The following FAF1 variants were observed in gnomAD, a reference collection of about 807,000 sequenced individuals.
The protein encoded by FAF1 is Fas associated factor 1.
FAF1 carries 25 observed loss-of-function variants against 92.5 expected under a neutral mutation model. The ratio of observed to expected loss-of-function variants is 0.27; its 90% CI spans 0.20 to 0.38. FAF1 has a LOEUF of 0.38. FAF1 is among the 10% of genes least tolerant of loss of function. The pLI is 1.00. For missense variants in FAF1, 636 were observed against 793.3 expected, an observed-to-expected ratio of 0.80 and a Z score of 2.38; for synonymous variants, 234 against 273.2, an observed-to-expected ratio of 0.86 and a Z score of 1.42.
chr1:50,942,475 AAAGGG>A (rs1047595489), intron 1 of FAF1, among the ~76,000 whole-genome samples: 1 of 152,040 alleles, frequency 6.6e-6, no homozygotes, highest in Admixed American at 6.6e-5. Flanking sequence ...AAGGGAGGGG[AAAGGG>A]AAGGGAAGGG....
rs1646821185 is a variant in FAF1, at chr1:50,490,447, GGAAGGAA to G, written c.1653+134_1653+140del. On this transcript the variant is annotated intron_variant, in intron 17 of 18. Transcript: ENST00000396153. Reference sequence around the variant, plus strand: ...AGGAAGGAAGGAAGGAAGGAAGGAAGGAAGGAAGGAAGGAAAAAGAAAGAAGGAAGGA... The same window carrying G: ...AGGAAGGAAGGAAGGAAGGAAGGAAGGGAAGGAAAAAGAAAGAAGGAAGGA... 3 of 325,278 alleles carry G rather than the reference GGAAGGAA, an allele frequency of 9.2e-6. 1 individual carries two copies. Among genetic ancestry groups the G allele is most frequent in the East Asian group, 9.2e-5 (3 of 32,626 alleles). 20.1% of individuals were successfully genotyped at this position (325,278 alleles called of 1,614,324 possible). A position where few individuals can be genotyped will look rare whatever the true frequency, so the allele number is the denominator to read the frequency against.
chr1:50,717,739 T>G (rs1055144841), intron 6 of FAF1, among the ~76,000 whole-genome samples: 1 of 152,170 alleles, frequency 6.6e-6, no homozygotes, highest in Admixed American at 6.5e-5. Context: ...TGGTGGCTCA[T>G]GCCTGTAATC....
intron 1 of FAF1, among the ~76,000 whole-genome samples, chr1:50,952,626 C>A (rs1317441901): frequency 2.0e-5 from 3 of 151,980 alleles, no homozygotes; most frequent in East Asian, 3.9e-4. Context: ...AAGTGAGGAG[C>A]GCCTCTTCCC....
intron 18 of FAF1, among the ~76,000 whole-genome samples, chr1:50,464,176 T>G (rs1353944664): frequency 3.3e-5 from 5 of 152,188 alleles, no homozygotes; most frequent in Non-Finnish European, 5.9e-5. Context: ...TTTTAAATTT[T>G]TATTTTTTAT....
chr1:50,525,811 T>C (rs1647764927), intron 15 of FAF1, among the ~76,000 whole-genome samples: 1 of 152,174 alleles, frequency 6.6e-6, no homozygotes, highest in Non-Finnish European at 1.5e-5. Flanking sequence ...CTCTTGTTAG[T>C]ATCAGAGTTA....
At chr1:50,581,131 T>G (rs1216125660) in intron 12 of FAF1, among the ~76,000 whole-genome samples, 1 of 152,192 alleles carries the variant, frequency 6.6e-6, no homozygotes, top group Non-Finnish European at 1.5e-5. Flanking sequence ...GCCATAAACA[T>G]GCAATTCTTT....
At chr1:50,925,547 A>C (rs1023246237) in intron 1 of FAF1, among the ~76,000 whole-genome samples, 1 of 152,206 alleles carries the variant, frequency 6.6e-6, no homozygotes, top group African/African-American at 2.4e-5. Context: ...ATGGCCAACA[A>C]ATATTATCTC....
At chr1:50,490,925 T>C (rs941939789) in intron 16 of FAF1, among the ~76,000 whole-genome samples, 2 of 152,204 alleles carry the variant, frequency 1.3e-5, no homozygotes, top group South Asian at 2.1e-4. Context: ...CTGGGTAAAG[T>C]GGCATTCAAG....
At chr1:50,746,272 ATATATATATATATATATATATTTTTTTT>A (rs1659596736) in intron 4 of FAF1, among the ~76,000 whole-genome samples, 2 of 18,706 alleles carry the variant, frequency 1.1e-4, no homozygotes, top group South Asian at 3.0e-3. Flanking sequence ...ATATATATAT[ATATATATATATATATATATATTTTTTTT>A]TTTTTTTTTT....
intron 7 of FAF1, among the ~76,000 whole-genome samples, chr1:50,697,955 C>T (rs981181721): frequency 2.0e-5 from 3 of 152,058 alleles, no homozygotes; most frequent in Non-Finnish European, 4.4e-5. Context: ...ATACACAAGA[C>T]ACATTAGACA....
intron 1 of FAF1, among the ~76,000 whole-genome samples, chr1:50,903,797 A>G (rs1644814608): frequency 6.6e-6 from 1 of 152,184 alleles, no homozygotes. Context: ...AAATTAGGGA[A>G]GAGTCTCCAC....
At chr1:50,478,887 A>G (rs1342499392) in intron 17 of FAF1, among the ~76,000 whole-genome samples, 1 of 152,216 alleles carries the variant, frequency 6.6e-6, no homozygotes, top group Non-Finnish European at 1.5e-5. Flanking sequence ...AAAGTATAAC[A>G]TACATATGAA....
At chr1:50,563,543 C>T (rs1295863056) in intron 13 of FAF1, among the ~76,000 whole-genome samples, 1 of 151,912 alleles carries the variant, frequency 6.6e-6, no homozygotes, top group Non-Finnish European at 1.5e-5. Flanking sequence ...AAAGACTGTA[C>T]AATATTTTCC....
Position 50,904,386 on chromosome 1 carries a change from T to C in FAF1, c.46-46389A>G, listed in dbSNP as rs952980403. The stretch of plus-strand genomic sequence containing the variant: ...GGGGAAATGAGGAATTAAAGTTTAA[T>C]TGGCAAGGAGTTTCAGTTTGAGAAG... On this transcript the variant is annotated intron_variant, in intron 1 of 18. Transcript: ENST00000396153. Among the ~76,000 whole-genome samples the C allele has an allele frequency of 2.0e-5, 3 of 152,164 alleles. No homozygotes were observed. In the East Asian group the frequency reaches 5.8e-4, roughly 29 times the overall value.
At chr1:50,561,879 AAGG>A (rs752937867) in intron 13 of FAF1, among the ~76,000 whole-genome samples, 3,895 of 151,778 alleles carry the variant, frequency 0.026, 167 homozygotes, top group African/African-American at 0.087. Flanking sequence ...GGAAGGAAGG[AAGG>A]AAGGAAGGAA....
At chr1:50,832,923 T>G (rs1447612725) in intron 2 of FAF1, among the ~76,000 whole-genome samples, 1 of 152,212 alleles carries the variant, frequency 6.6e-6, no homozygotes, top group Non-Finnish European at 1.5e-5. Context: ...ATTCTCTGTT[T>G]AAGTCAACAT....
intron 14 of FAF1, among the ~76,000 whole-genome samples, chr1:50,536,362 T>C (rs1360968758): frequency 6.6e-6 from 1 of 152,186 alleles, no homozygotes; most frequent in Admixed American, 6.5e-5. Flanking sequence ...AATTCTCTTC[T>C]CTCAAACCTA....
intron 4 of FAF1, among the ~76,000 whole-genome samples, chr1:50,769,005 T>C (rs1186673519): frequency 1.3e-5 from 2 of 151,412 alleles, no homozygotes; most frequent in Non-Finnish European, 2.9e-5. Context: ...CAGGAATTAG[T>C]TCCTTGAAAG....
intron 15 of FAF1, among the ~76,000 whole-genome samples, chr1:50,510,827 A>C (rs1225307489): frequency 6.6e-6 from 1 of 152,218 alleles, no homozygotes; most frequent in Non-Finnish European, 1.5e-5. Context: ...TAGAGATTAC[A>C]TGTAGAGGAA....
Sources: allele counts gnomAD v4.1 joint callset (sites outside exome capture counted in the v4.1 genomes callset), GRCh38; gene constraint gnomAD v4.1.1; transcripts MANE v1.5; gene names NCBI Gene and HGNC (gene_info 2026-07-23, HGNC 2026-07-21).